MBD5: variants seen among roughly 807,000 people sequenced by gnomAD.
MBD5 encodes the protein methyl-CpG-binding domain protein 5.
MBD5 carries 13 observed loss-of-function variants against 117.3 expected under a neutral mutation model. That is an observed-to-expected ratio of 0.11 (90% CI 0.07 to 0.18). The LOEUF is 0.18. Among genes scored for constraint, MBD5 ranks in the 10% least tolerant of loss-of-function variants. The probability of loss-of-function intolerance (pLI) is 1.00; values close to 1 mark genes in which losing one functional copy is unlikely to be tolerated. For synonymous variants in MBD5, 727 were observed against 766.4 expected (o/e 0.95, Z 0.85); for missense variants, 1,879 against 2,093.8 (o/e 0.90, Z 2.00).
intron 4 of MBD5, among the ~76,000 whole-genome samples, chr2:148,391,503 G>A (rs898779152): frequency 6.6e-6 from 1 of 151,996 alleles, no homozygotes; most frequent in African/African-American, 2.4e-5. Flanking sequence ...TCTTTTTCCT[G>A]CCTGAATGTA....
intron 3 of MBD5, among the ~76,000 whole-genome samples, chr2:148,324,497 T>C (rs1321972369): frequency 1.3e-5 from 2 of 152,214 alleles, no homozygotes; most frequent in Non-Finnish European, 2.9e-5. Context: ...TTTGTTTGTA[T>C]CCTCTTTTAT....
chr2:148,152,211 C>T (rs1697695544), intron 1 of MBD5, among the ~76,000 whole-genome samples: 1 of 152,150 alleles, frequency 6.6e-6, no homozygotes, highest in Non-Finnish European at 1.5e-5. Flanking sequence ...AGTAGTCATT[C>T]AGGAGCAGGT....
In MBD5 at chr2:148,021,515, T is replaced by G. The variant is rs1026270950; in HGVS notation, c.-1094T>G. 1 of 573,494 alleles carries G rather than the reference T, an allele frequency of 1.7e-6. No individual in the cohort carries two copies. The highest frequency in any genetic ancestry group is 3.4e-6 in the Non-Finnish European group (1 of 298,302). The allele number at this position is 573,494 out of a possible 1,614,324, so 35.5% of individuals were successfully genotyped here. On this transcript the variant is annotated 5_prime_UTR_variant, in exon 1 of 14. Transcript: ENST00000642680. ...CTGCTGCTACTGCTGCTGCTGCTAC[T>G]GCTGCTGCTTGGCCCTGGCTGGAGA...
chr2:148,085,362 G>A (rs1426265816), intron 1 of MBD5, among the ~76,000 whole-genome samples: 2 of 152,100 alleles, frequency 1.3e-5, no homozygotes, highest in Admixed American at 1.3e-4. Flanking sequence ...TTCTTTTCCC[G>A]TTACTGAGAC....
At chr2:148,301,720 A>G (rs559840939) in intron 3 of MBD5, among the ~76,000 whole-genome samples, 2 of 152,260 alleles carry the variant, frequency 1.3e-5, no homozygotes, top group East Asian at 1.9e-4. Context: ...GGCTATATGC[A>G]TAGTATATTT....
At position 148,389,290 on chromosome 2, in the gene MBD5, AT is replaced by A. The variant is rs1559051003; in HGVS notation, c.-557+46955del. ...TATATATATATATATATATATATAT[AT>A]ATATATATATATAACATTTTCTTTA... On this transcript the variant is annotated intron_variant, in intron 4 of 13. Coordinates refer to ENST00000642680, the MANE Select transcript of MBD5 (RefSeq NM_001378120.1). 5.5e-5 allele frequency among the ~76,000 whole-genome samples: 6 copies of A among 108,216 alleles called. No homozygotes were observed. In the East Asian group the frequency reaches 1.1e-3, roughly 19 times the overall value. The allele number at this position is 108,216 out of a possible 152,430, so 71.0% of individuals were successfully genotyped here. A position where few individuals can be genotyped will look rare whatever the true frequency, so the allele number is the denominator to read the frequency against.
chr2:148,366,070 A>C (rs1703687508), intron 4 of MBD5, among the ~76,000 whole-genome samples: 1 of 152,196 alleles, frequency 6.6e-6, no homozygotes, highest in African/African-American at 2.4e-5. Flanking sequence ...CGATGTAAAA[A>C]TCCTCAATAA....
intron 3 of MBD5, among the ~76,000 whole-genome samples, chr2:148,305,373 G>A (rs1468492604): frequency 6.6e-6 from 1 of 152,118 alleles, no homozygotes; most frequent in Non-Finnish European, 1.5e-5. Context: ...CTGCCGGATG[G>A]TATGAACAAT....
intron 3 of MBD5, among the ~76,000 whole-genome samples, chr2:148,337,661 T>A: frequency 6.8e-6 from 1 of 146,302 alleles, no homozygotes; most frequent in East Asian, 2.0e-4. Context: ...AAATTCTATG[T>A]CATGTGAATA....
At chr2:148,147,252 T>G (rs1697490415) in intron 1 of MBD5, among the ~76,000 whole-genome samples, 8 of 151,932 alleles carry the variant, frequency 5.3e-5, no homozygotes. Flanking sequence ...TTTATTTTAT[T>G]TTTTTTCTGA....
chr2:148,390,615 G>A (rs111235709), intron 4 of MBD5, among the ~76,000 whole-genome samples: 2,014 of 150,202 alleles, frequency 0.013, 60 homozygotes, highest in African/African-American at 0.047. Flanking sequence ...TCACTCTGTC[G>A]CCCAGGCTGG....
At chr2:148,127,200 C>G (rs1328738168) in intron 1 of MBD5, among the ~76,000 whole-genome samples, 1 of 152,066 alleles carries the variant, frequency 6.6e-6, no homozygotes, top group Non-Finnish European at 1.5e-5. Context: ...ATCTCCTGAC[C>G]TTGTGGTCCG....
At chr2:148,429,200 C>G (rs1439228755) in intron 4 of MBD5, among the ~76,000 whole-genome samples, 3 of 152,050 alleles carry the variant, frequency 2.0e-5, no homozygotes, top group African/African-American at 4.8e-5. Flanking sequence ...TGAAGAGACA[C>G]TTCTCAAAAG....
intron 1 of MBD5, among the ~76,000 whole-genome samples, chr2:148,049,634 G>A (rs1322309463): frequency 2.0e-5 from 3 of 152,068 alleles, no homozygotes; most frequent in African/African-American, 7.2e-5. Context: ...TCACATTTTT[G>A]TGGAGCCATC....
rs561194211 is a variant in MBD5 at position 148,334,924 on chromosome 2, TTATATTTAAATGCTTA to T, written c.-679-7274_-679-7259del. On this transcript the variant is annotated intron_variant, in intron 3 of 13. Transcript: ENST00000642680. ...GATTTCTGTTTATGTATCCTATATT[TTATATTTAAATGCTTA>T]TATATTTAAATGCTTGCTTCACTGC... is the stretch of plus-strand genomic sequence containing the variant. Among the ~76,000 whole-genome samples, 28 of 152,302 alleles carry T rather than the reference TTATATTTAAATGCTTA, an allele frequency of 1.8e-4. No individual in the cohort carries two copies. The East Asian group carries it at 5.2e-3, about 28-fold the overall frequency.
chr2:148,135,898 C>A (rs1019111111), intron 1 of MBD5, among the ~76,000 whole-genome samples: 14 of 152,114 alleles, frequency 9.2e-5, no homozygotes, highest in Non-Finnish European at 1.8e-4. Context: ...AAGGCGAAGA[C>A]CTCTCGGGGC....
At chr2:148,317,090 T>C (rs1007117207) in intron 3 of MBD5, among the ~76,000 whole-genome samples, 1 of 152,226 alleles carries the variant, frequency 6.6e-6, no homozygotes, top group Non-Finnish European at 1.5e-5. Context: ...GGCTCACACC[T>C]GTAATCCCAG....
rs182030240 is a variant in MBD5, at chr2:148,348,066, T to A, written c.-557+5730T>A. Among the ~76,000 whole-genome samples the A allele has an allele frequency of 1.9e-4, 29 of 152,142 alleles. No individual in the cohort carries two copies. The East Asian group carries it at 4.8e-3, about 25-fold the overall frequency. On this transcript the variant is annotated intron_variant, in intron 4 of 13. Coordinates refer to ENST00000642680, the MANE Select transcript of MBD5 (RefSeq NM_001378120.1). ...TAAAATAAGTAATTGTATAATGCTG[T>A]GTTTAAAGAAATCAGGAACTGAGCC...
chr2:148,075,781 G>T (rs1695494374), intron 1 of MBD5, among the ~76,000 whole-genome samples: 1 of 151,996 alleles, frequency 6.6e-6, no homozygotes. Flanking sequence ...TATAAGTACA[G>T]TTTCTGTAAC....
Sources: gnomAD v4.1 joint callset for allele counts (sites outside exome capture counted in the v4.1 genomes callset) on GRCh38, gnomAD v4.1.1 for gene constraint, MANE v1.5 for transcripts, NCBI Gene and HGNC (gene_info 2026-07-23, HGNC 2026-07-21) for gene names.